MAD2L1BP: variants seen among roughly 807,000 people sequenced by gnomAD.
MAD2L1BP encodes the protein MAD2L1 binding protein.
A neutral mutation model predicts 28.4 loss-of-function variants in MAD2L1BP; 22 were observed. That is an observed-to-expected ratio of 0.77 (90% CI 0.55 to 1.10). The LOEUF is 1.10. MAD2L1BP is among the 50% of genes least tolerant of loss of function. The probability of loss-of-function intolerance (pLI) is 0.00; values close to 1 mark genes in which losing one functional copy is unlikely to be tolerated. For synonymous variants in MAD2L1BP, 146 were observed against 133.7 expected (o/e 1.09, Z -0.63); for missense variants, 325 against 350.5 (o/e 0.93, Z 0.58).
chr6:43,630,523 A>C (rs994419385), intron 1 of MAD2L1BP, among the ~76,000 whole-genome samples: 5 of 152,102 alleles, frequency 3.3e-5, no homozygotes, highest in Non-Finnish European at 7.4e-5. Context: ...TGTGCGGATC[A>C]CCTGAAGTCA....
intron 2 of MAD2L1BP, among the ~76,000 whole-genome samples, chr6:43,637,878 C>T (rs1582366109): frequency 6.6e-6 from 1 of 151,292 alleles, no homozygotes; most frequent in African/African-American, 2.4e-5. Flanking sequence ...GGATTACAGG[C>T]ATGAGCCACC....
At chr6:43,638,753 G>C (rs1056317741) in intron 2 of MAD2L1BP, among the ~76,000 whole-genome samples, 5 of 151,468 alleles carry the variant, frequency 3.3e-5, no homozygotes, top group African/African-American at 1.2e-4. Flanking sequence ...CCGAGATTGC[G>C]CCACTGTACT....
chr6:43,635,677 AG>A, upstream of MAD2L1BP: 1 of 534,398 alleles, frequency 1.9e-6, no homozygotes, highest in Middle Eastern at 4.8e-4. Flanking sequence ...CTGCTGGGCA[AG>A]GGTTAGGCGT....
At chr6:43,637,098 CTT>C (rs1387779498) in intron 2 of MAD2L1BP, among the ~76,000 whole-genome samples, 2 of 151,206 alleles carry the variant, frequency 1.3e-5, no homozygotes, top group Admixed American at 6.6e-5. Context: ...GAGTCTCTCT[CTT>C]GTTGCCCAGG....
intron 2 of MAD2L1BP, among the ~76,000 whole-genome samples, chr6:43,638,003 A>T (rs2127865246): frequency 6.6e-6 from 1 of 152,078 alleles, no homozygotes; most frequent in Admixed American, 6.5e-5. Context: ...GGTTCAAGCG[A>T]TTCTCCTGCC....
chr6:43,635,912 G>T lies in MAD2L1BP; in HGVS notation c.37G>T (p.Ala13Ser). ...APEAEVLSSA[A>S]VPDLEWYEKS... The stretch of plus-strand genomic sequence containing the variant: ...GGAGGCGGAGGTTCTGTCCTCAGCC[G>T]CAGTCCCTGGTAAGGCGTGGGGCCA... Residue 13 changes from alanine to serine, a missense_variant, in exon 1 of 3, where the codon GCA (alanine) becomes TCA (serine). Ala to Ser is a moderately conservative substitution (Grantham distance 99, BLOSUM62 1). Coordinates refer to ENST00000372171, the MANE Select transcript of MAD2L1BP (RefSeq NM_014628.3). 1 of 1,500,910 alleles carries T rather than the reference G, an allele frequency of 6.7e-7. No individual in the cohort carries two copies. The highest frequency in any genetic ancestry group is 8.8e-7 in the Non-Finnish European group (1 of 1,131,010). The allele number at this position is 1,500,910 out of a possible 1,614,324, so 93.0% of individuals were successfully genotyped here. A position where few individuals can be genotyped will look rare whatever the true frequency, so the allele number is the denominator to read the frequency against.
At chr6:43,631,682 T>C (rs975832830), upstream of MAD2L1BP, among the ~76,000 whole-genome samples, 8 of 151,722 alleles carry the variant, frequency 5.3e-5, no homozygotes, top group African/African-American at 1.9e-4. Flanking sequence ...AGAGATGGTG[T>C]CCCCCTGTGT....
At chr6:43,638,353 C>T (rs1770372432) in intron 2 of MAD2L1BP, among the ~76,000 whole-genome samples, 1 of 152,046 alleles carries the variant, frequency 6.6e-6, no homozygotes, top group African/African-American at 2.4e-5. Flanking sequence ...CCATGAACTT[C>T]TTTTGCCTGA....
chr6:43,637,907 T>C (rs772426251), intron 2 of MAD2L1BP, among the ~76,000 whole-genome samples: 1 of 150,230 alleles, frequency 6.7e-6, no homozygotes, highest in Non-Finnish European at 1.5e-5. Context: ...CCTGTTTGTT[T>C]CTTTTTTTGA....
chr6:43,629,776 C>G, intron 1 of MAD2L1BP: 1 of 1,563,524 alleles, frequency 6.4e-7, no homozygotes, highest in African/African-American at 1.4e-5. Context: ...TGGGGTGAGT[C>G]AGGGCGAACG....
rs1770226630 is a variant in MAD2L1BP, at chr6:43,636,452, C to G, written c.118C>G (p.Gln40Glu). 6.2e-7 allele frequency: 1 copy of G among 1,614,100 alleles called. No individual in the cohort carries two copies. Among genetic ancestry groups the G allele is most frequent in the South Asian group, 1.1e-5 (1 of 91,088 alleles). Residue 40 changes from glutamine to glutamate, a missense_variant, in exon 2 of 3, where the codon CAG becomes GAG. Physicochemically the swap from Gln to Glu is conservative, Grantham distance 29. Transcript: ENST00000372171. ...AGAACTACTTGAGACAAGCTCTACGCAGGAACCTCTCAACGCTTCGGAGGC... is the reference window on the plus strand; with the variant it reads ...AGAACTACTTGAGACAAGCTCTACGGAGGAACCTCTCAACGCTTCGGAGGC... ...QIELLETSSTQEPLNASEAFC... is the reference protein window; with the variant it reads ...QIELLETSSTEEPLNASEAFC...
At chr6:43,634,683 C>T (rs1229158504), upstream of MAD2L1BP, among the ~76,000 whole-genome samples, 3 of 152,146 alleles carry the variant, frequency 2.0e-5, no homozygotes, top group Admixed American at 2.0e-4. Flanking sequence ...GCCTCAGCCT[C>T]CTGAGTAGCT....
upstream of MAD2L1BP, chr6:43,633,128 TGGAGCTGCCATGCCCAGTC>T (rs1191177927): frequency 8.5e-5 from 35 of 409,432 alleles, no homozygotes; most frequent in Admixed American, 9.4e-4. Context: ...GATTATAGGC[TGGAGCTGCCATGCCCAGTC>T]AGACCCAGTA....
In MAD2L1BP at chr6:43,636,630, G is replaced by A. The variant is rs1013584750; in HGVS notation, c.296G>A (p.Arg99Gln). The change falls in exon 2 of 3, where the codon CGA becomes CAA. Residue 99 changes from arginine to glutamine, a missense_variant. Physicochemically the swap from Arg to Gln is conservative, Grantham distance 43. Coordinates refer to ENST00000372171, the MANE Select transcript of MAD2L1BP (RefSeq NM_014628.3). ...TATGAACAGCTTAAGCACTTTTACC[G>A]AAAACCTTCTCCCCAGGTAGGCACA... ...LPYEQLKHFY[R>Q]KPSPQAEEML... The A allele has an allele frequency of 5.6e-6, 9 of 1,612,616 alleles. No homozygotes were observed. The highest frequency in any genetic ancestry group is 1.1e-5 in the South Asian group (1 of 91,070).
At chr6:43,629,701 C>T in exon 1 of MAD2L1BP, 1 of 1,548,024 alleles carries the variant, frequency 6.5e-7, no homozygotes, top group Admixed American at 2.0e-5. Context: ...ACTGAGGCTA[C>T]TGGTGCCGCC....
intron 2 of MAD2L1BP, among the ~76,000 whole-genome samples, chr6:43,638,996 A>T (rs1770417795): frequency 6.6e-6 from 1 of 151,950 alleles, no homozygotes; most frequent in Non-Finnish European, 1.5e-5. Flanking sequence ...TTTCCCCTAT[A>T]TTCACTCTTG....
upstream of MAD2L1BP, among the ~76,000 whole-genome samples, chr6:43,635,643 A>G (rs2127859999): frequency 6.6e-6 from 1 of 152,388 alleles, no homozygotes; most frequent in East Asian, 1.9e-4. Context: ...AGCAGCGCTC[A>G]GTGGCTGAGA....
intron 2 of MAD2L1BP, among the ~76,000 whole-genome samples, chr6:43,638,767 G>T (rs1770402777): frequency 1.3e-5 from 2 of 151,850 alleles, no homozygotes; most frequent in Admixed American, 1.3e-4. Context: ...CTGTACTCCA[G>T]CCTGGGCGAA....
chr6:43,636,022 T>A, intron 1 of MAD2L1BP, 101 bp downstream of exon 1: 1 of 1,186,500 alleles, frequency 8.4e-7, no homozygotes. Context: ...CCCTAGCCCG[T>A]CTTCCCTGTC....
Sources: gnomAD v4.1 joint callset for allele counts (sites outside exome capture counted in the v4.1 genomes callset) on GRCh38, gnomAD v4.1.1 for gene constraint, MANE v1.5 for transcripts, NCBI Gene and HGNC (gene_info 2026-07-23, HGNC 2026-07-21) for gene names.